NUBPL: variants seen among roughly 807,000 people sequenced by gnomAD.
NUBPL encodes NUBP iron-sulfur cluster assembly factor, mitochondrial.
In NUBPL, 31 loss-of-function variants were observed where a neutral mutation model predicts 45.7. The observed-to-expected ratio is 0.68, with a 90% CI of 0.51 to 0.92. The LOEUF is 0.92. Ranked by LOEUF, NUBPL falls within the 40% of genes least tolerant of loss-of-function variation. NUBPL has a pLI of 0.00. For synonymous variants in NUBPL, 144 were observed against 140.9 expected (o/e 1.02, Z -0.15); for missense variants, 401 against 398.7 (o/e 1.01, Z -0.05).
At chr14:31,708,714 T>C (rs924008855) in intron 6 of NUBPL, among the ~76,000 whole-genome samples, 1 of 152,038 alleles carries the variant, frequency 6.6e-6, no homozygotes, top group African/African-American at 2.4e-5. Context: ...CCCTCAATGG[T>C]TAAAGGTACC....
Position 31,837,097 on chromosome 14 carries a change from G to A in NUBPL, c.694-9374G>A, listed in dbSNP as rs529744480. On this transcript the variant is annotated intron_variant, in intron 8 of 10. Transcript: ENST00000281081. ...GCCAGGTGCAGAGGCTGAGGTGGGA[G>A]GATTGCTTGAAGCCGGGAGTTAAAG... Among the ~76,000 whole-genome samples the A allele has an allele frequency of 3.3e-5, 5 of 152,278 alleles. 1 individual carries two copies. The Middle Eastern group carries it at 0.014, about 414-fold the overall frequency.
intron 3 of NUBPL, among the ~76,000 whole-genome samples, chr14:31,573,509 A>G (rs369398969): frequency 6.6e-6 from 1 of 152,108 alleles, no homozygotes; most frequent in East Asian, 1.9e-4. Context: ...CAAACTCTTC[A>G]TCCCTGTGAC....
At chr14:31,734,140 C>A (rs184765653) in intron 6 of NUBPL, among the ~76,000 whole-genome samples, 165 of 152,210 alleles carry the variant, frequency 1.1e-3, no homozygotes, top group Non-Finnish European at 9.9e-4. Flanking sequence ...TTGCTAAAAT[C>A]ATTTTTCTAT....
At chr14:31,759,760 A>G (rs1324096856) in intron 6 of NUBPL, among the ~76,000 whole-genome samples, 1 of 150,420 alleles carries the variant, frequency 6.6e-6, no homozygotes, top group East Asian at 1.9e-4. Flanking sequence ...TATGCTGGCA[A>G]GAGCAGCAAG....
chr14:31,710,192 G>A (rs4981887), intron 6 of NUBPL, among the ~76,000 whole-genome samples: 44,863 of 151,936 alleles, frequency 0.3, 7,480 homozygotes, highest in South Asian at 0.41. Context: ...GGCTTAGGAT[G>A]CATTTCAAGG....
chr14:31,561,816 T>G, intron 1 of NUBPL: 1 of 593,496 alleles, frequency 1.7e-6, no homozygotes, highest in Non-Finnish European at 2.9e-6. Context: ...CGTGGAAGCC[T>G]TATCTCCGTA....
chr14:31,638,543 T>C (rs1175878368), intron 4 of NUBPL, among the ~76,000 whole-genome samples: 2 of 152,010 alleles, frequency 1.3e-5, no homozygotes, highest in Non-Finnish European at 2.9e-5. Flanking sequence ...ATTTCAACTT[T>C]GGTGAATCTG....
intron 6 of NUBPL, among the ~76,000 whole-genome samples, chr14:31,696,679 A>G (rs1035245544): frequency 7.2e-5 from 11 of 152,192 alleles, no homozygotes; most frequent in Non-Finnish European, 1.5e-4. Flanking sequence ...CTTTCCTGTC[A>G]TTGATTCAAA....
chr14:31,627,734 CCAGCCTGGGTGACAGAGT>C (rs932481383), intron 4 of NUBPL, among the ~76,000 whole-genome samples: 1 of 147,406 alleles, frequency 6.8e-6, no homozygotes, highest in African/African-American at 2.5e-5. Flanking sequence ...CCACTGCACT[CCAGCCTGGGTGACAGAGT>C]GAGACTCTGT....
rs139891675 is a variant in NUBPL at position 31,773,748 on chromosome 14, A to G, written c.514-14032A>G. Among the ~76,000 whole-genome samples, 996 of 152,332 alleles carry G rather than the reference A, an allele frequency of 6.5e-3. 12 individuals are homozygous for G. The highest frequency in any genetic ancestry group is 0.022 in the African/African-American group (933 of 41,574). ...GTAGAAGAATCAGGAAATTAGGAGC[A>G]AACAGCAAACTTGATTATAGAATAG... On this transcript the variant is annotated intron_variant, in intron 6 of 10. Coordinates refer to ENST00000281081, the MANE Select transcript of NUBPL (RefSeq NM_025152.3).
chr14:31,593,818 G>A (rs2378896), intron 3 of NUBPL, among the ~76,000 whole-genome samples: 48,107 of 151,862 alleles, frequency 0.32, 8,039 homozygotes, highest in South Asian at 0.41. Flanking sequence ...TTCTGGTTGA[G>A]GGAATAGCAA....
intron 9 of NUBPL, among the ~76,000 whole-genome samples, chr14:31,848,360 A>T (rs79179651): frequency 0.1 from 15,399 of 152,250 alleles, 953 homozygotes; most frequent in Non-Finnish European, 0.14. Flanking sequence ...AAAAGCTTTC[A>T]CAGCTCTGGC....
At chr14:31,675,818 G>A (rs1248294012) in intron 6 of NUBPL, among the ~76,000 whole-genome samples, 3 of 152,058 alleles carry the variant, frequency 2.0e-5, no homozygotes, top group Non-Finnish European at 4.4e-5. Context: ...TAGATTTTCA[G>A]TATATAATTC....
chr14:31,642,376 G>A (rs1318487463), intron 4 of NUBPL, among the ~76,000 whole-genome samples: 2 of 152,060 alleles, frequency 1.3e-5, no homozygotes, highest in African/African-American at 4.8e-5. Context: ...GAGAAATAGG[G>A]GTCTAATTTC....
Position 31,658,549 on chromosome 14 carries a change from G to A in NUBPL, c.383-14806G>A, listed in dbSNP as rs1024542454. Among the ~76,000 whole-genome samples, 4 of 151,090 alleles carry A rather than the reference G, an allele frequency of 2.6e-5. No homozygotes were observed. The East Asian group carries it at 5.8e-4, about 22-fold the overall frequency. On this transcript the variant is annotated intron_variant, in intron 4 of 10. Transcript: ENST00000281081. ...TTTTTTTGAAAGGGAGTCTCACTCTGTCACCCAGGCTGGAGTGCAGTGACG... is the reference window on the plus strand; with the variant it reads ...TTTTTTTGAAAGGGAGTCTCACTCTATCACCCAGGCTGGAGTGCAGTGACG...
chr14:31,762,086 G>C (rs1459288620), intron 6 of NUBPL, among the ~76,000 whole-genome samples: 1 of 152,130 alleles, frequency 6.6e-6, no homozygotes, highest in Non-Finnish European at 1.5e-5. Flanking sequence ...TGTTGCTATA[G>C]CTAGGTTTTT....
intron 6 of NUBPL, among the ~76,000 whole-genome samples, chr14:31,677,106 G>A (rs2036718862): frequency 6.6e-6 from 1 of 152,002 alleles, no homozygotes; most frequent in South Asian, 2.1e-4. Flanking sequence ...TTTTGATACA[G>A]ACAGGCACTG....
chr14:31,783,709 G>C (rs1188657517), intron 6 of NUBPL, among the ~76,000 whole-genome samples: 1 of 151,996 alleles, frequency 6.6e-6, no homozygotes, highest in African/African-American at 2.4e-5. Flanking sequence ...GCAGAGACAG[G>C]GTTTCACCAT....
chr14:31,856,653 G>A (rs1439171980), intron 10 of NUBPL, among the ~76,000 whole-genome samples: 1 of 152,142 alleles, frequency 6.6e-6, no homozygotes, highest in African/African-American at 2.4e-5. Context: ...GTTCTAAATG[G>A]GAGAAATTGG....
Sources: allele counts gnomAD v4.1 joint callset (sites outside exome capture counted in the v4.1 genomes callset), GRCh38; gene constraint gnomAD v4.1.1; transcripts MANE v1.5; gene names NCBI Gene and HGNC (gene_info 2026-07-23, HGNC 2026-07-21).